The following HDAC9 variants were observed in gnomAD, a reference collection of about 807,000 sequenced individuals.
The protein encoded by HDAC9 is MEF-2 interacting transcription repressor (MITR) protein.
A neutral mutation model predicts 139.4 loss-of-function variants in HDAC9; 41 were observed. The observed-to-expected ratio is 0.29, with a 90% CI of 0.23 to 0.38. The LOEUF is 0.38. Among genes scored for constraint, HDAC9 ranks in the 10% least tolerant of loss-of-function variants. HDAC9 has a pLI of 1.00. For synonymous variants in HDAC9, 517 were observed against 476.2 expected (o/e 1.09, Z -1.12); for missense variants, 1,147 against 1,297.0 (o/e 0.88, Z 1.78).
chr7:18,573,845 A>G (rs901325408), intron 2 of HDAC9, among the ~76,000 whole-genome samples: 1 of 152,188 alleles, frequency 6.6e-6, no homozygotes, highest in African/African-American at 2.4e-5. Context: ...AGAGAGTGTC[A>G]CAGCCCCCTG....
At chr7:18,244,524 C>T (rs1334593664) in intron 2 of HDAC9, among the ~76,000 whole-genome samples, 2 of 152,148 alleles carry the variant, frequency 1.3e-5, no homozygotes, top group Non-Finnish European at 2.9e-5. Flanking sequence ...TGCGGCTAGG[C>T]GTGCTGGCTC....
intron 14 of HDAC9, among the ~76,000 whole-genome samples, chr7:18,757,707 G>GA (rs1200064383): frequency 6.6e-6 from 1 of 152,074 alleles, no homozygotes; most frequent in Non-Finnish European, 1.5e-5. Context: ...CTCCTTGGCA[G>GA]AAAAAAATAT....
chr7:18,413,400 G>T lies in HDAC9; in HGVS notation c.-41-82862G>T, dbSNP rs1051593991. On this transcript the variant is annotated intron_variant, in intron 1 of 3. Coordinates refer to the HDAC9 transcript ENST00000413509. Reference sequence around the variant, plus strand: ...TGGAGTCTATCTCTGGATCCCTAAGGATTCACCAACTTAAACATTAGTTTC... The same window carrying T: ...TGGAGTCTATCTCTGGATCCCTAAGTATTCACCAACTTAAACATTAGTTTC... Among the ~76,000 whole-genome samples the T allele has an allele frequency of 2.0e-5, 3 of 152,190 alleles. No individual in the cohort carries two copies. In the South Asian group the frequency reaches 6.2e-4, roughly 32 times the overall value.
chr7:18,259,335 G>GT (rs960014485), intron 2 of HDAC9, among the ~76,000 whole-genome samples: 3 of 151,920 alleles, frequency 2.0e-5, no homozygotes, highest in African/African-American at 7.3e-5. Flanking sequence ...CCCAATAAAA[G>GT]TAAGATTTTA....
chr7:18,466,136 A>G (rs186445230), intron 1 of HDAC9, among the ~76,000 whole-genome samples: 5 of 152,288 alleles, frequency 3.3e-5, no homozygotes, highest in Admixed American at 2.6e-4. Flanking sequence ...GTTCTTAACG[A>G]TGACCACTCG....
chr7:18,255,589 G>T (rs1291178625), intron 2 of HDAC9, among the ~76,000 whole-genome samples: 2 of 150,098 alleles, frequency 1.3e-5, no homozygotes, highest in Non-Finnish European at 3.0e-5. Flanking sequence ...TAGTTTTGAT[G>T]ATGTGACATT....
chr7:18,324,444 T>A (rs557944241), intron 1 of HDAC9, among the ~76,000 whole-genome samples: 291 of 152,306 alleles, frequency 1.9e-3, no homozygotes, highest in African/African-American at 6.4e-3. Flanking sequence ...TTATCAACTG[T>A]CTTTGGCATA....
At chr7:18,227,490 A>G (rs1793137379) in intron 2 of HDAC9, among the ~76,000 whole-genome samples, 1 of 148,376 alleles carries the variant, frequency 6.7e-6, no homozygotes, top group Non-Finnish European at 1.5e-5. Context: ...TTGCACAGCA[A>G]TTTTTTTTTT....
intron 17 of HDAC9, among the ~76,000 whole-genome samples, chr7:18,796,704 T>C (rs146688014): frequency 6.6e-6 from 1 of 152,194 alleles, no homozygotes; most frequent in Non-Finnish European, 1.5e-5. Flanking sequence ...AAATCATAAT[T>C]GGAAGAATAA....
intron 4 of HDAC9, among the ~76,000 whole-genome samples, chr7:18,590,836 G>A (rs2128822394): frequency 6.6e-6 from 1 of 151,118 alleles, no homozygotes; most frequent in South Asian, 2.1e-4. Flanking sequence ...CTTACTCCTG[G>A]CCAAGTAATA....
At chr7:18,760,948 G>T (rs562836292) in intron 14 of HDAC9, among the ~76,000 whole-genome samples, 1 of 152,186 alleles carries the variant, frequency 6.6e-6, no homozygotes, top group South Asian at 2.1e-4. Context: ...CCTGAGAGAG[G>T]TGTTGTCACC....
rs577686583 is a variant in HDAC9 at position 18,684,177 on chromosome 7, G to C, written c.1731+17701G>C. Among the ~76,000 whole-genome samples the C allele has an allele frequency of 4.0e-5, 6 of 151,646 alleles. No homozygotes were observed. In the South Asian group the frequency reaches 1.3e-3, roughly 32 times the overall value. On this transcript the variant is annotated intron_variant, in intron 12 of 25. Coordinates refer to ENST00000686413, the MANE Select transcript of HDAC9 (RefSeq NM_178425.4). Reference sequence around the variant, plus strand: ...AGAGGCTGAGGTAGGAGAGTCACTTGAGCCTGGAGGCGGAGATTGCAGTGA... The same window carrying C: ...AGAGGCTGAGGTAGGAGAGTCACTTCAGCCTGGAGGCGGAGATTGCAGTGA...
At chr7:18,986,992 A>G (rs1370070906) in intron 25 of HDAC9, among the ~76,000 whole-genome samples, 2 of 152,232 alleles carry the variant, frequency 1.3e-5, no homozygotes, top group Non-Finnish European at 2.9e-5. Context: ...TTTTCTAGAT[A>G]TACAATCATG....
chr7:18,856,913 G>A lies in HDAC9; in HGVS notation c.2685-17565G>A, dbSNP rs532678733. ...TTCATTTGCCACCTGAATGATCACC[G>A]CTGGGTCACTGTTGTGAAACCATAA... On this transcript the variant is annotated intron_variant, in intron 21 of 25. Transcript: ENST00000686413. 5.9e-5 allele frequency among the ~76,000 whole-genome samples: 9 copies of A among 152,192 alleles called. No individual in the cohort carries two copies. In the South Asian group the frequency reaches 8.3e-4, roughly 14 times the overall value.
intron 1 of HDAC9, among the ~76,000 whole-genome samples, chr7:18,388,373 C>A (rs1034389755): frequency 6.6e-6 from 1 of 152,198 alleles, no homozygotes; most frequent in East Asian, 1.9e-4. Context: ...GAGCCCCCAT[C>A]CCTTCCATGT....
chr7:18,773,195 T>G (rs1461815776), intron 16 of HDAC9, among the ~76,000 whole-genome samples: 1 of 152,068 alleles, frequency 6.6e-6, no homozygotes, highest in African/African-American at 2.4e-5. Context: ...AGATGCATTT[T>G]GAAATAAGAA....
At chr7:18,499,369 A>T (rs747770482) in intron 2 of HDAC9, among the ~76,000 whole-genome samples, 1 of 151,846 alleles carries the variant, frequency 6.6e-6, no homozygotes, top group Non-Finnish European at 1.5e-5. Context: ...TTTGATATTG[A>T]CTCGGCCAGG....
intron 24 of HDAC9, among the ~76,000 whole-genome samples, chr7:18,967,200 A>C (rs1274289234): frequency 2.6e-5 from 4 of 152,232 alleles, no homozygotes; most frequent in Admixed American, 2.6e-4. Flanking sequence ...GGAACAATTT[A>C]AGAAGTGCAG....
At chr7:18,985,088 T>C (rs1785228317) in intron 25 of HDAC9, among the ~76,000 whole-genome samples, 2 of 152,274 alleles carry the variant, frequency 1.3e-5, no homozygotes, top group South Asian at 2.1e-4. Context: ...TTATTATTAT[T>C]ATACTTTAAG....
Sources: gnomAD v4.1 joint callset for allele counts (sites outside exome capture counted in the v4.1 genomes callset) on GRCh38, gnomAD v4.1.1 for gene constraint, MANE v1.5 for transcripts, NCBI Gene and HGNC (gene_info 2026-07-23, HGNC 2026-07-21) for gene names.